EIF5B: variants seen among roughly 807,000 people sequenced by gnomAD.
The protein encoded by EIF5B is eIF-5B.
In EIF5B, 47 loss-of-function variants were observed where a neutral mutation model predicts 147.5. The ratio of observed to expected loss-of-function variants is 0.32; its 90% CI spans 0.25 to 0.41. The LOEUF is 0.41. Ranked by LOEUF, EIF5B falls within the 10% of genes least tolerant of loss-of-function variation. EIF5B has a pLI of 1.00. For synonymous variants in EIF5B, 455 were observed against 456.2 expected (o/e 1.00, Z 0.03); for missense variants, 1,064 against 1,413.2 (o/e 0.75, Z 3.96).
chr2:99,382,863 T>C lies in EIF5B; in HGVS notation c.2213T>C (p.Ile738Thr), dbSNP rs759516823. The change falls in exon 14 of 24, where the codon ATT (isoleucine) becomes ACT (threonine). Residue 738 changes from isoleucine to threonine, a missense_variant. Physicochemically the swap from Ile to Thr is moderately conservative, Grantham distance 89. Transcript: ENST00000289371. ...DIMHGLEPQTIESINLLKSKK... is the reference protein window; with the variant it reads ...DIMHGLEPQTTESINLLKSKK... ...ATGCATGGTTTGGAGCCCCAGACAATTGAGTCTATCAACCTTCTCAAATCT... is the reference window on the plus strand; with the variant it reads ...ATGCATGGTTTGGAGCCCCAGACAACTGAGTCTATCAACCTTCTCAAATCT... 2.2e-5 allele frequency: 36 copies of C among 1,612,722 alleles called. No individual in the cohort carries two copies. The highest frequency in any genetic ancestry group is 3.1e-5 in the Non-Finnish European group (36 of 1,179,440).
chr2:99,393,053 A>G lies in EIF5B; in HGVS notation c.2835A>G (p.Leu945=). The part of the protein sequence containing the change: ...GKDLEKTLAG[L]PLLVAYKEDE... ...ACCTGGAGAAAACATTGGCTGGTTTACCCCTCCTTGTGGCTTATAAAGAAG... is the reference window on the plus strand; with the variant it reads ...ACCTGGAGAAAACATTGGCTGGTTTGCCCCTCCTTGTGGCTTATAAAGAAG... The change falls in exon 18 of 24, where the codon TTA becomes TTG. Residue 945 remains leucine (L), a synonymous_variant. Coordinates refer to ENST00000289371, the MANE Select transcript of EIF5B (RefSeq NM_015904.4). 6.3e-7 allele frequency: 1 copy of G among 1,586,918 alleles called. No homozygotes were observed. The highest frequency in any genetic ancestry group is 8.6e-7 in the Non-Finnish European group (1 of 1,166,910).
intron 14 of EIF5B, among the ~76,000 whole-genome samples, chr2:99,387,310 C>CT (rs1674831302): frequency 6.6e-6 from 1 of 152,088 alleles, no homozygotes; most frequent in Non-Finnish European, 1.5e-5. Context: ...ATAGTTGGAG[C>CT]TTTTTTTACA....
At chr2:99,347,464 CAGT>C (rs2094275720) in intron 1 of EIF5B, among the ~76,000 whole-genome samples, 1 of 150,992 alleles carries the variant, frequency 6.6e-6, no homozygotes, top group African/African-American at 2.4e-5. Context: ...GATTTTGATT[CAGT>C]AGATCTGGGG....
chr2:99,372,576 G>A (rs539255287), intron 9 of EIF5B, among the ~76,000 whole-genome samples: 2 of 152,216 alleles, frequency 1.3e-5, no homozygotes, highest in Non-Finnish European at 2.9e-5. Flanking sequence ...GACCTCAGGT[G>A]ATCCGCCCGC....
At chr2:99,345,591 C>CAAA (rs34437423) in intron 1 of EIF5B, among the ~76,000 whole-genome samples, 1 of 33,174 alleles carries the variant, frequency 3.0e-5, no homozygotes. Flanking sequence ...GAGACTGTCT[C>CAAA]AAAAAAAAAA....
intron 1 of EIF5B, among the ~76,000 whole-genome samples, chr2:99,354,349 T>C (rs2105340697): frequency 1.3e-5 from 2 of 152,340 alleles, no homozygotes; most frequent in Middle Eastern, 3.4e-3. Flanking sequence ...GGAATGTCTT[T>C]TTATGCCTTT....
intron 16 of EIF5B, 39 bp downstream of exon 16, chr2:99,390,440 T>A (rs948887762): frequency 1.3e-6 from 2 of 1,572,848 alleles, no homozygotes; most frequent in African/African-American, 1.4e-5. Context: ...TTTTTTTTTT[T>A]TAAAAATAGC....
chr2:99,360,237 A>G lies in EIF5B; in HGVS notation c.37A>G (p.Thr13Ala), dbSNP rs963308619. The G allele has an allele frequency of 1.3e-6, 2 of 1,586,480 alleles. No individual in the cohort carries two copies. The highest frequency in any genetic ancestry group is 2.4e-5 in the South Asian group (2 of 83,766). ...AGGATGTTTTTGTTTTCATTTAAGC[A>G]CCAAGGATGACATTGATCTTGATGC... ...KKQKNKSEDS[T>A]KDDIDLDALA... The change falls in exon 2 of 24, where the codon ACC (threonine) becomes GCC (alanine). Residue 13 changes from threonine (T) to alanine (A), a missense_variant and splice_region_variant. Thr to Ala is a moderately conservative substitution (Grantham distance 58, BLOSUM62 0). Coordinates refer to ENST00000289371, the MANE Select transcript of EIF5B (RefSeq NM_015904.4).
intron 1 of EIF5B, among the ~76,000 whole-genome samples, chr2:99,353,002 C>CTTT (rs1559245418): frequency 1.1e-4 from 7 of 64,224 alleles, no homozygotes; most frequent in South Asian, 6.6e-4. Flanking sequence ...TTTTCTTCTT[C>CTTT]TTCTTTTTTT....
intron 17 of EIF5B, among the ~76,000 whole-genome samples, chr2:99,392,294 C>T (rs1007059393): frequency 2.6e-5 from 4 of 152,014 alleles, no homozygotes; most frequent in Admixed American, 6.6e-5. Context: ...AGGCTAGTCT[C>T]GAACTCCTGA....
In EIF5B at chr2:99,399,467, C is replaced by T; in HGVS notation, c.*53C>T. On this transcript the variant is annotated 3_prime_UTR_variant, in exon 24 of 24. Transcript: ENST00000289371. The stretch of plus-strand genomic sequence containing the variant: ...TAAATGCAATACTGTGTTGTAATAT[C>T]CCAACAAAAATCAGACAAAAAATGG... 6.5e-7 allele frequency: 1 copy of T among 1,534,440 alleles called. No individual in the cohort carries two copies. The highest frequency in any genetic ancestry group is 1.7e-5 in the Admixed American group (1 of 59,220).
intron 14 of EIF5B, among the ~76,000 whole-genome samples, chr2:99,388,395 C>G (rs894941308): frequency 1.3e-5 from 2 of 151,640 alleles, no homozygotes; most frequent in African/African-American, 2.4e-5. Flanking sequence ...CAGTCTTTCA[C>G]CCTTAAGTAT....
intron 9 of EIF5B, among the ~76,000 whole-genome samples, chr2:99,375,505 A>G (rs2104214733): frequency 6.6e-6 from 1 of 152,264 alleles, no homozygotes; most frequent in African/African-American, 2.4e-5. Context: ...ATGTCTGCTC[A>G]CTGCACCCCA....
At chr2:99,391,701 T>C (rs1674933652) in intron 17 of EIF5B, among the ~76,000 whole-genome samples, 2 of 152,090 alleles carry the variant, frequency 1.3e-5, no homozygotes, top group African/African-American at 2.4e-5. Flanking sequence ...AATGGAGTTA[T>C]TCTCAGTGTG....
At chr2:99,369,995 AG>A in intron 8 of EIF5B, among the ~76,000 whole-genome samples, 1 of 152,300 alleles carries the variant, frequency 6.6e-6, no homozygotes, top group East Asian at 1.9e-4. Flanking sequence ...TCAAAAAAAA[AG>A]GAAGAAAGGA....
At chr2:99,347,697 T>C (rs1416385840) in intron 1 of EIF5B, among the ~76,000 whole-genome samples, 2 of 152,140 alleles carry the variant, frequency 1.3e-5, no homozygotes, top group African/African-American at 2.4e-5. Flanking sequence ...ATTCTTCTGA[T>C]ACTTTTTTTT....
intron 12 of EIF5B, among the ~76,000 whole-genome samples, chr2:99,380,012 C>T (rs2104224878): frequency 6.6e-6 from 1 of 152,276 alleles, no homozygotes; most frequent in South Asian, 2.1e-4. Context: ...ATAATCTCTA[C>T]CTTTTAATGT....
Position 99,390,421 on chromosome 2 carries a change from TTTA to T in EIF5B, c.2586+23_2586+25del, listed in dbSNP as rs1559259870. ...ATGGAGGTAATGATCAACTTTTCAG[TTTA>T]TTGTTTTTTTTTTTTTTAAAAATAG... On this transcript the variant is annotated intron_variant, in intron 16 of 23. Coordinates refer to ENST00000289371, the MANE Select transcript of EIF5B (RefSeq NM_015904.4). The T allele has an allele frequency of 6.5e-7, 1 of 1,540,930 alleles. No homozygotes were observed. Among genetic ancestry groups the T allele is most frequent in the Non-Finnish European group, 8.6e-7 (1 of 1,157,590 alleles).
rs17022639 is a variant in EIF5B, at chr2:99,396,338, C to T, written c.3255-422C>T. Among the ~76,000 whole-genome samples, 1,087 of 152,308 alleles carry T rather than the reference C, an allele frequency of 7.1e-3. 13 individuals are homozygous for T. Among genetic ancestry groups the T allele is most frequent in the African/African-American group, 0.024 (1,002 of 41,572 alleles). On this transcript the variant is annotated intron_variant, in intron 21 of 23. Coordinates refer to ENST00000289371, the MANE Select transcript of EIF5B (RefSeq NM_015904.4). ...GAGAAAAGGAGGGTGATAATACGGT[C>T]TGATGCCTATGTGATCCCCCAGTAG...
Sources: gnomAD v4.1 joint callset for allele counts (sites outside exome capture counted in the v4.1 genomes callset) on GRCh38, gnomAD v4.1.1 for gene constraint, MANE v1.5 for transcripts, NCBI Gene and HGNC (gene_info 2026-07-23, HGNC 2026-07-21) for gene names.